The following DLG2 variants were observed in gnomAD, a reference collection of about 807,000 sequenced individuals.
DLG2 encodes discs large MAGUK scaffold protein 2.
Under a neutral mutation model 132.5 loss-of-function variants are expected in DLG2, and 45 were observed. That is an observed-to-expected ratio of 0.34 (90% CI 0.27 to 0.44). DLG2 has a LOEUF of 0.44. Ranked by LOEUF, DLG2 falls within the 20% of genes least tolerant of loss-of-function variation. The pLI is 1.00. For synonymous variants in DLG2, 424 were observed against 419.6 expected (o/e 1.01, Z -0.13); for missense variants, 1,045 against 1,196.9 (o/e 0.87, Z 1.87).
chr11:85,458,739 C>T (rs2092503849), intron 3 of DLG2, among the ~76,000 whole-genome samples: 1 of 152,226 alleles, frequency 6.6e-6, no homozygotes, highest in Non-Finnish European at 1.5e-5. Flanking sequence ...GGCACTTACA[C>T]ATAGTGGCCT....
intron 3 of DLG2, among the ~76,000 whole-genome samples, chr11:85,384,064 G>A (rs879824526): frequency 2.6e-5 from 4 of 152,054 alleles, no homozygotes; most frequent in Non-Finnish European, 5.9e-5. Flanking sequence ...TCTTTCCTAG[G>A]ATACTTTTTA....
chr11:85,103,348 C>A (rs2071184912), intron 6 of DLG2, among the ~76,000 whole-genome samples: 1 of 151,870 alleles, frequency 6.6e-6, no homozygotes, highest in Admixed American at 6.6e-5. Flanking sequence ...TACCAAATTT[C>A]CAACTTACTA....
At chr11:83,733,954 C>A (rs1303789364) in intron 18 of DLG2, among the ~76,000 whole-genome samples, 2 of 138,500 alleles carry the variant, frequency 1.4e-5, no homozygotes, top group African/African-American at 5.2e-5. Context: ...CCAGTGTCTA[C>A]TATTCCACTC....
intron 6 of DLG2, among the ~76,000 whole-genome samples, chr11:84,860,403 AT>A (rs2083447796): frequency 6.6e-6 from 1 of 152,088 alleles, no homozygotes; most frequent in South Asian, 2.1e-4. Context: ...TTAGAAAGTA[AT>A]TTTCTGACAA....
intron 6 of DLG2, among the ~76,000 whole-genome samples, chr11:85,032,583 T>C (rs887223357): frequency 2.6e-5 from 4 of 152,176 alleles, no homozygotes; most frequent in Non-Finnish European, 2.9e-5. Context: ...TGCTCTAAAG[T>C]ACAAATATAT....
At chr11:84,476,888 C>T (rs1351659501) in intron 7 of DLG2, among the ~76,000 whole-genome samples, 1 of 152,154 alleles carries the variant, frequency 6.6e-6, no homozygotes, top group Non-Finnish European at 1.5e-5. Flanking sequence ...CATATCATCC[C>T]TGCTGTGTCT....
chr11:84,293,468 G>A (rs573765455), intron 7 of DLG2, among the ~76,000 whole-genome samples: 1 of 152,140 alleles, frequency 6.6e-6, no homozygotes, highest in Admixed American at 6.5e-5. Flanking sequence ...GAGCTCAGGA[G>A]TTCAAGACCA....
chr11:84,757,761 CT>C (rs1422219756), intron 6 of DLG2, among the ~76,000 whole-genome samples: 2 of 152,158 alleles, frequency 1.3e-5, no homozygotes, highest in Non-Finnish European at 2.9e-5. Context: ...ATTCCAAATC[CT>C]GTATGTTTCC....
At chr11:85,480,952 C>T (rs963484491) in intron 3 of DLG2, among the ~76,000 whole-genome samples, 1 of 152,232 alleles carries the variant, frequency 6.6e-6, no homozygotes, top group Non-Finnish European at 1.5e-5. Flanking sequence ...AAAGAGACTA[C>T]ATTTACTCCA....
intron 6 of DLG2, among the ~76,000 whole-genome samples, chr11:84,803,056 C>T (rs1293131637): frequency 6.6e-6 from 1 of 152,162 alleles, no homozygotes; most frequent in Non-Finnish European, 1.5e-5. Flanking sequence ...GCCTCGGCCT[C>T]CCAAAGTTCT....
intron 6 of DLG2, chr11:84,720,944 G>C (rs1009784142): frequency 6.6e-6 from 1 of 152,268 alleles, no homozygotes; most frequent in African/African-American, 2.4e-5. Flanking sequence ...CGGGCAAGTG[G>C]GGTGGGAGGA....
At chr11:85,505,811 T>A (rs183646679) in intron 3 of DLG2, among the ~76,000 whole-genome samples, 3 of 152,340 alleles carry the variant, frequency 2.0e-5, no homozygotes, top group Admixed American at 6.5e-5. Context: ...CTCCTCCTTG[T>A]ACCTCTGGTA....
At chr11:84,254,694 T>C (rs1400074007) in intron 7 of DLG2, among the ~76,000 whole-genome samples, 1 of 152,182 alleles carries the variant, frequency 6.6e-6, no homozygotes, top group Admixed American at 6.5e-5. Flanking sequence ...TAATAATTAA[T>C]AATTTCATAA....
chr11:85,198,030 C>T lies in DLG2; in HGVS notation c.187-43379G>A, dbSNP rs1249082297. 3.3e-5 allele frequency among the ~76,000 whole-genome samples: 5 copies of T among 152,024 alleles called. No homozygotes were observed. In the East Asian group the frequency reaches 9.6e-4, roughly 29 times the overall value. On this transcript the variant is annotated intron_variant, in intron 4 of 27. Transcript: ENST00000376104. Reference sequence around the variant, plus strand: ...ATAATTATGATAAATAACAGACGAACGACATGCATTCTTCCTGTCGGGACC... The same window carrying T: ...ATAATTATGATAAATAACAGACGAATGACATGCATTCTTCCTGTCGGGACC...
chr11:83,626,572 G>C (rs552670088), intron 19 of DLG2, among the ~76,000 whole-genome samples: 1 of 152,166 alleles, frequency 6.6e-6, no homozygotes, highest in Non-Finnish European at 1.5e-5. Context: ...GGCAAAAACT[G>C]TCTCAGGTAG....
At chr11:85,489,317 T>C (rs1202148790) in intron 3 of DLG2, among the ~76,000 whole-genome samples, 1 of 152,154 alleles carries the variant, frequency 6.6e-6, no homozygotes, top group Non-Finnish European at 1.5e-5. Flanking sequence ...AAAAACATTA[T>C]GTCACTATAT....
At chr11:84,961,314 C>T (rs2154108958) in intron 6 of DLG2, among the ~76,000 whole-genome samples, 1 of 152,014 alleles carries the variant, frequency 6.6e-6, no homozygotes, top group South Asian at 2.1e-4. Flanking sequence ...ACCCCACTAC[C>T]TCCCTATGTT....
intron 6 of DLG2, among the ~76,000 whole-genome samples, chr11:84,735,851 CTG>C (rs780440359): frequency 6.6e-6 from 1 of 151,938 alleles, no homozygotes; most frequent in Non-Finnish European, 1.5e-5. Context: ...TTTTCACAGT[CTG>C]TGGTTTGTCT....
intron 9 of DLG2, among the ~76,000 whole-genome samples, chr11:84,136,026 C>A (rs11825159): frequency 1.3e-5 from 2 of 152,022 alleles, no homozygotes; most frequent in African/African-American, 4.8e-5. Context: ...GCTGACTAGA[C>A]GCAAACAGTG....
Sources: allele counts gnomAD v4.1 joint callset (sites outside exome capture counted in the v4.1 genomes callset), GRCh38; gene constraint gnomAD v4.1.1; transcripts MANE v1.5; gene names NCBI Gene and HGNC (gene_info 2026-07-23, HGNC 2026-07-21).